The following MARCHF1 variants were observed in gnomAD, a reference collection of about 807,000 sequenced individuals.
MARCHF1 encodes membrane associated ring-CH-type finger 1.
Under a neutral mutation model 54.2 loss-of-function variants are expected in MARCHF1, and 40 were observed. The observed-to-expected ratio is 0.74, with a 90% CI of 0.57 to 0.96. The LOEUF (loss-of-function observed/expected upper bound fraction) is 0.96. Ranked by LOEUF, MARCHF1 falls within the 40% of genes least tolerant of loss-of-function variation. The pLI is 0.00. For missense variants in MARCHF1, 586 were observed against 656.5 expected, an observed-to-expected ratio of 0.89 and a Z score of 1.17; for synonymous variants, 236 against 236.3, an observed-to-expected ratio of 1.00 and a Z score of 0.01.
intron 2 of MARCHF1, among the ~76,000 whole-genome samples, chr4:164,102,131 C>T (rs1329149472): frequency 9.3e-6 from 1 of 107,676 alleles, no homozygotes; most frequent in Non-Finnish European, 2.0e-5. Flanking sequence ...ACCAAATCTA[C>T]GTCTGATTGC....
At chr4:163,819,987 T>C (rs1378102685) in intron 4 of MARCHF1, among the ~76,000 whole-genome samples, 1 of 152,130 alleles carries the variant, frequency 6.6e-6, no homozygotes, top group Non-Finnish European at 1.5e-5. Context: ...AATCAACATA[T>C]GAAAACAAAC....
intron 1 of MARCHF1, among the ~76,000 whole-genome samples, chr4:164,321,920 T>A (rs1236274211): frequency 6.6e-6 from 1 of 152,106 alleles, no homozygotes; most frequent in African/African-American, 2.4e-5. Context: ...TGCTTATATA[T>A]CAAGTAATGC....
chr4:164,177,806 G>GAGAGAC (rs148681185), intron 1 of MARCHF1, among the ~76,000 whole-genome samples: 14 of 149,312 alleles, frequency 9.4e-5, no homozygotes, highest in African/African-American at 3.2e-4. Context: ...GTATGAAAGA[G>GAGAGAC]ACACACACAC....
chr4:163,824,991 A>G (rs980165836), intron 4 of MARCHF1, among the ~76,000 whole-genome samples: 12 of 151,462 alleles, frequency 7.9e-5, no homozygotes, highest in African/African-American at 2.9e-4. Context: ...TCAGGAAACA[A>G]CAGGTGCTGG....
intron 3 of MARCHF1, among the ~76,000 whole-genome samples, chr4:163,896,047 A>G (rs1220401261): frequency 1.3e-5 from 2 of 152,198 alleles, no homozygotes; most frequent in Non-Finnish European, 2.9e-5. Context: ...ATATTCTAAA[A>G]CCAATAATAA....
Position 163,670,372 on chromosome 4 carries a change from A to ATCTATCTGTCTG in MARCHF1, c.162+30440_162+30441insCAGACAGATAGA, listed in dbSNP as rs1379325077. The stretch of plus-strand genomic sequence containing the variant: ...GACCTAGAGTAGGATCTATCTATCT[A>ATCTATCTGTCTG]TCTATCTATCTGTCTGTCTATCTAT... On this transcript the variant is annotated intron_variant, in intron 5 of 9. Coordinates refer to ENST00000514618, the MANE Select transcript of MARCHF1 (RefSeq NM_001394959.1). Among the ~76,000 whole-genome samples the ATCTATCTGTCTG allele has an allele frequency of 3.1e-3, 400 of 128,268 alleles. 1 individual carries two copies. The highest frequency in any genetic ancestry group is 4.6e-3 in the Admixed American group (59 of 12,880). The allele number at this position is 128,268 out of a possible 152,430, so 84.1% of individuals were successfully genotyped here. A position where few individuals can be genotyped will look rare whatever the true frequency, so the allele number is the denominator to read the frequency against.
intron 9 of MARCHF1, among the ~76,000 whole-genome samples, chr4:163,532,413 A>C (rs2110867839): frequency 6.6e-6 from 1 of 151,876 alleles, no homozygotes; most frequent in East Asian, 1.9e-4. Context: ...ACAGACCTTA[A>C]ATTTTTCACA....
At position 163,529,438 on chromosome 4, in the gene MARCHF1, C is replaced by T. The variant is rs1166441529; in HGVS notation, c.1340-392G>A. ...GGAAGAATCAGAGTTTAAAATCCTTCTAAGAAGATGAGGTATAGGTACATG... is the reference window on the plus strand; with the variant it reads ...GGAAGAATCAGAGTTTAAAATCCTTTTAAGAAGATGAGGTATAGGTACATG... On this transcript the variant is annotated intron_variant, in intron 9 of 9. Transcript: ENST00000514618. 2.0e-5 allele frequency among the ~76,000 whole-genome samples: 3 copies of T among 151,958 alleles called. No homozygotes were observed. In the East Asian group the frequency reaches 5.8e-4, roughly 29 times the overall value.
At chr4:164,278,364 A>C (rs537667396) in intron 1 of MARCHF1, among the ~76,000 whole-genome samples, 1 of 152,304 alleles carries the variant, frequency 6.6e-6, no homozygotes, top group African/African-American at 2.4e-5. Flanking sequence ...ATCCTGTCAA[A>C]GATAAGAAAA....
chr4:163,842,857 C>T (rs1749380014), intron 4 of MARCHF1, among the ~76,000 whole-genome samples: 1 of 151,884 alleles, frequency 6.6e-6, no homozygotes, highest in Non-Finnish European at 1.5e-5. Context: ...GTTTTTTATC[C>T]CCTCTCTCTT....
At chr4:163,942,854 A>C (rs552112583) in intron 3 of MARCHF1, among the ~76,000 whole-genome samples, 34 of 151,952 alleles carry the variant, frequency 2.2e-4, no homozygotes, top group Non-Finnish European at 4.7e-4. Flanking sequence ...CTTACTCATT[A>C]GTTTCTTCAT....
intron 1 of MARCHF1, among the ~76,000 whole-genome samples, chr4:164,162,417 G>A (rs1415202568): frequency 2.6e-5 from 4 of 152,074 alleles, no homozygotes; most frequent in East Asian, 1.9e-4. Context: ...GAATATGACC[G>A]AATCCAGAGA....
intron 4 of MARCHF1, among the ~76,000 whole-genome samples, chr4:163,770,142 CTA>C (rs1747112047): frequency 6.6e-6 from 1 of 151,982 alleles, no homozygotes; most frequent in South Asian, 2.1e-4. Flanking sequence ...TGTTAATTGA[CTA>C]TGTTGTCAGT....
chr4:163,845,605 G>C (rs972412434), intron 4 of MARCHF1, among the ~76,000 whole-genome samples: 1 of 151,802 alleles, frequency 6.6e-6, no homozygotes, highest in African/African-American at 2.4e-5. Context: ...ACACATAGCA[G>C]AATTAAACAA....
At chr4:164,004,743 C>A (rs982311257) in intron 2 of MARCHF1, among the ~76,000 whole-genome samples, 7 of 151,764 alleles carry the variant, frequency 4.6e-5, no homozygotes, top group Non-Finnish European at 2.9e-5. Flanking sequence ...TTAAATAAAG[C>A]CCATAAGCCA....
At chr4:164,377,084 T>C (rs1731214986) in intron 1 of MARCHF1, among the ~76,000 whole-genome samples, 1 of 152,176 alleles carries the variant, frequency 6.6e-6, no homozygotes, top group Non-Finnish European at 1.5e-5. Context: ...TTCCAATCAT[T>C]GTGTCCCAAA....
At chr4:164,274,247 C>T (rs772533212) in intron 1 of MARCHF1, among the ~76,000 whole-genome samples, 1 of 152,134 alleles carries the variant, frequency 6.6e-6, no homozygotes, top group African/African-American at 2.4e-5. Context: ...GTATTTTATA[C>T]GTACATTCAG....
intron 2 of MARCHF1, among the ~76,000 whole-genome samples, chr4:164,014,141 G>A (rs28873493): frequency 0.17 from 24,845 of 149,754 alleles, 2,094 homozygotes; most frequent in South Asian, 0.22. Context: ...GCAGTGACCC[G>A]AGATCGCATC....
At chr4:163,631,977 A>T (rs1355806187) in intron 5 of MARCHF1, among the ~76,000 whole-genome samples, 2 of 152,248 alleles carry the variant, frequency 1.3e-5, no homozygotes, top group Non-Finnish European at 2.9e-5. Flanking sequence ...GCCAAAAAAC[A>T]CATGAAAAGA....
Sources: allele counts gnomAD v4.1 joint callset (sites outside exome capture counted in the v4.1 genomes callset), GRCh38; gene constraint gnomAD v4.1.1; transcripts MANE v1.5; gene names NCBI Gene and HGNC (gene_info 2026-07-23, HGNC 2026-07-21).